Variants in RASGRF2 observed in about 807,000 individuals in gnomAD.
RASGRF2 encodes ras-specific guanine nucleotide-releasing factor 2.
Under a neutral mutation model 151.0 loss-of-function variants are expected in RASGRF2, and 76 were observed. The observed-to-expected ratio is 0.50, with a 90% CI of 0.42 to 0.61. The LOEUF (loss-of-function observed/expected upper bound fraction) is 0.61, where lower values mean the gene tolerates loss of function less well. Among genes scored for constraint, RASGRF2 ranks in the 20% least tolerant of loss-of-function variants. The pLI, the probability that RASGRF2 is intolerant of heterozygous loss-of-function variation, is 0.00. For synonymous variants in RASGRF2, 504 were observed against 566.5 expected, an observed-to-expected ratio of 0.89 and a Z score of 1.57; for missense variants, 1,148 against 1,564.6, an observed-to-expected ratio of 0.73 and a Z score of 4.49.
intron 17 of RASGRF2, among the ~76,000 whole-genome samples, chr5:81,154,207 C>T (rs1271770115): frequency 6.6e-6 from 1 of 152,134 alleles, no homozygotes. Flanking sequence ...TATCAACCAA[C>T]TTGACCTAAT....
At chr5:81,051,423 C>A (rs1751006458) in intron 2 of RASGRF2, among the ~76,000 whole-genome samples, 1 of 152,190 alleles carries the variant, frequency 6.6e-6, no homozygotes, top group Admixed American at 6.5e-5. Flanking sequence ...ACCATCACCA[C>A]TAATTTCGGA....
At chr5:81,052,640 T>A (rs1479691032) in intron 2 of RASGRF2, among the ~76,000 whole-genome samples, 1 of 152,172 alleles carries the variant, frequency 6.6e-6, no homozygotes, top group African/African-American at 2.4e-5. Flanking sequence ...TAAAAAATAT[T>A]AATTAGCCAA....
At chr5:81,141,927 A>T (rs1296459524) in intron 17 of RASGRF2, among the ~76,000 whole-genome samples, 1 of 152,154 alleles carries the variant, frequency 6.6e-6, no homozygotes, top group Non-Finnish European at 1.5e-5. Context: ...TTGCAGTGAG[A>T]TATTGATTAC....
intron 1 of RASGRF2, among the ~76,000 whole-genome samples, chr5:81,039,339 C>T (rs1396435164): frequency 1.3e-5 from 2 of 151,912 alleles, no homozygotes; most frequent in African/African-American, 4.8e-5. Context: ...ATAGAAGAGA[C>T]ATAATAAGTA....
chr5:80,998,756 A>G (rs142354384), intron 1 of RASGRF2, among the ~76,000 whole-genome samples: 1,609 of 152,336 alleles, frequency 0.011, 29 homozygotes, highest in African/African-American at 0.037. Flanking sequence ...GCATCAGCAG[A>G]CAGCCAGGCT....
At chr5:81,020,642 A>T (rs1375440663) in intron 1 of RASGRF2, among the ~76,000 whole-genome samples, 2 of 151,850 alleles carry the variant, frequency 1.3e-5, no homozygotes, top group Non-Finnish European at 2.9e-5. Flanking sequence ...GGAGAGAGGG[A>T]CTCCTTTTTG....
Position 81,068,163 on chromosome 5 carries a change from A to G in RASGRF2, c.527A>G (p.Glu176Gly), listed in dbSNP as rs764228905. 5 of 1,612,140 alleles carry G rather than the reference A, an allele frequency of 3.1e-6. No homozygotes were observed. Among genetic ancestry groups the G allele is most frequent in the Non-Finnish European group, 4.2e-6 (5 of 1,179,122 alleles). Reference sequence around the variant, plus strand: ...CTTGAAGATCAAGACACAGAAATCGAAAGGCTTAAATCAGAGGTATTTCCC... The same window carrying G: ...CTTGAAGATCAAGACACAGAAATCGGAAGGCTTAAATCAGAGGTATTTCCC... ...HQLEDQDTEI[E>G]RLKSEIIALN... The change falls in exon 3 of 27, where the codon GAA becomes GGA. Residue 176 changes from glutamate to glycine, a missense_variant. Physicochemically the swap from Glu to Gly is moderately conservative, Grantham distance 98. Coordinates refer to ENST00000265080, the MANE Select transcript of RASGRF2 (RefSeq NM_006909.3).
chr5:81,104,613 G>A (rs78092412), intron 12 of RASGRF2, among the ~76,000 whole-genome samples: 15,634 of 151,976 alleles, frequency 0.1, 986 homozygotes, highest in African/African-American at 0.17. Flanking sequence ...TTCATATTAG[G>A]TATGAAAAGC....
chr5:81,087,138 A>C (rs756645803), intron 9 of RASGRF2, 185 bp downstream of exon 9: 33 of 706,888 alleles, frequency 4.7e-5, no homozygotes, highest in Non-Finnish European at 8.3e-5. Flanking sequence ...GGACCATGAA[A>C]AACAGCAACA....
chr5:81,196,080 G>A (rs566216480), intron 18 of RASGRF2, among the ~76,000 whole-genome samples: 2 of 152,134 alleles, frequency 1.3e-5, no homozygotes, highest in Non-Finnish European at 2.9e-5. Context: ...CCAACATGGC[G>A]AAACCCCATC....
In RASGRF2 at chr5:81,113,714, T is replaced by TAGG. The variant is rs1753067536; in HGVS notation, c.2267_2269dup (p.Gly756dup). Reference sequence around the variant, plus strand: ...TTGACTTCTCCCTTGAACTCAAAGATAGGAGCATTGGACCTGACAACTTCC... The same window carrying TAGG: ...TTGACTTCTCCCTTGAACTCAAAGATAGGAGGAGCATTGGACCTGACAACTTCC... On this transcript the variant is annotated inframe_insertion, in exon 15 of 27. Transcript: ENST00000265080. 1.2e-6 allele frequency: 2 copies of TAGG among 1,613,684 alleles called. No individual in the cohort carries two copies. The highest frequency in any genetic ancestry group is 8.5e-7 in the Non-Finnish European group (1 of 1,179,624).
intron 1 of RASGRF2, among the ~76,000 whole-genome samples, chr5:81,027,111 T>A (rs1246885245): frequency 2.6e-5 from 4 of 152,206 alleles, no homozygotes; most frequent in African/African-American, 9.6e-5. Flanking sequence ...ATTAGCCAGC[T>A]TGTGAAACCA....
chr5:80,982,686 T>C (rs370923820), intron 1 of RASGRF2, among the ~76,000 whole-genome samples: 2 of 151,426 alleles, frequency 1.3e-5, no homozygotes, highest in African/African-American at 4.9e-5. Flanking sequence ...CTGCAAGCTC[T>C]GCCTCCCGGG....
chr5:81,056,808 G>T (rs1164106427), intron 2 of RASGRF2, among the ~76,000 whole-genome samples: 1 of 152,140 alleles, frequency 6.6e-6, no homozygotes, highest in Non-Finnish European at 1.5e-5. Flanking sequence ...GAATCTGGGT[G>T]CTCCTGTATT....
At chr5:81,060,329 G>T (rs574779107) in intron 2 of RASGRF2, among the ~76,000 whole-genome samples, 55 of 152,262 alleles carry the variant, frequency 3.6e-4, no homozygotes, top group African/African-American at 1.3e-3. Context: ...TGCACATACT[G>T]TTCCCTGGGC....
chr5:81,211,754 A>G (rs1755634928), intron 22 of RASGRF2, among the ~76,000 whole-genome samples: 1 of 152,196 alleles, frequency 6.6e-6, no homozygotes, highest in African/African-American at 2.4e-5. Context: ...AGCTTCTTAA[A>G]CTGGCTTTAA....
intron 3 of RASGRF2, 110 bp downstream of exon 3, chr5:81,068,289 C>A: frequency 7.8e-7 from 1 of 1,279,484 alleles, no homozygotes; most frequent in East Asian, 2.4e-5. Flanking sequence ...CTGACTTCCT[C>A]TGACATCAAC....
chr5:81,208,609 T>C (rs1755565481), intron 22 of RASGRF2, among the ~76,000 whole-genome samples, 171 bp downstream of exon 22: 1 of 138,076 alleles, frequency 7.2e-6, no homozygotes, highest in Non-Finnish European at 1.5e-5. Context: ...TGGAGTGCAA[T>C]GGCGTGATCT....
intron 1 of RASGRF2, among the ~76,000 whole-genome samples, chr5:80,965,499 C>T: frequency 6.6e-6 from 1 of 151,998 alleles, no homozygotes; most frequent in East Asian, 1.9e-4. Flanking sequence ...TACACTAAGC[C>T]TTACTATTTA....
Sources: allele counts gnomAD v4.1 joint callset (sites outside exome capture counted in the v4.1 genomes callset), GRCh38; gene constraint gnomAD v4.1.1; transcripts MANE v1.5; gene names NCBI Gene and HGNC (gene_info 2026-07-23, HGNC 2026-07-21).